Variants in CACNA2D3 observed in about 807,000 individuals in gnomAD.
The protein encoded by CACNA2D3 is voltage-dependent calcium channel subunit alpha-2/delta-3.
Under a neutral mutation model 160.6 loss-of-function variants are expected in CACNA2D3, and 60 were observed. The observed-to-expected ratio is 0.37, with a 90% CI of 0.30 to 0.46. CACNA2D3 has a LOEUF of 0.46. CACNA2D3 is among the 20% of genes least tolerant of loss of function. CACNA2D3 has a pLI of 1.00. For synonymous variants in CACNA2D3, 558 were observed against 492.9 expected (o/e 1.13, Z -1.75); for missense variants, 1,205 against 1,365.0 (o/e 0.88, Z 1.85).
intron 9 of CACNA2D3, among the ~76,000 whole-genome samples, chr3:54,594,123 A>C (rs980805336): frequency 1.3e-5 from 2 of 152,206 alleles, no homozygotes; most frequent in Non-Finnish European, 2.9e-5. Flanking sequence ...TCTCCACTTC[A>C]TTATAGTGTG....
chr3:54,298,288 T>A (rs1466058307), intron 2 of CACNA2D3, among the ~76,000 whole-genome samples: 1 of 152,234 alleles, frequency 6.6e-6, no homozygotes, highest in Non-Finnish European at 1.5e-5. Context: ...GACCTGCTTT[T>A]ACTTTTCTCA....
intron 4 of CACNA2D3, among the ~76,000 whole-genome samples, chr3:54,421,665 A>G (rs1156354269): frequency 1.3e-5 from 2 of 152,140 alleles, no homozygotes; most frequent in Non-Finnish European, 2.9e-5. Context: ...TGGGAGAGGT[A>G]ACTGTTTCCT....
At chr3:54,170,689 G>A (rs1201334571) in intron 2 of CACNA2D3, among the ~76,000 whole-genome samples, 2 of 152,198 alleles carry the variant, frequency 1.3e-5, no homozygotes, top group East Asian at 3.9e-4. Flanking sequence ...GCAGATCAGT[G>A]AGTAAACCCT....
intron 2 of CACNA2D3, among the ~76,000 whole-genome samples, chr3:54,159,655 T>C (rs1700306603): frequency 6.6e-6 from 1 of 152,168 alleles, no homozygotes; most frequent in South Asian, 2.1e-4. Flanking sequence ...CACTGGTAAA[T>C]GTTGATTCTA....
intron 2 of CACNA2D3, among the ~76,000 whole-genome samples, chr3:54,276,445 C>T (rs569470762): frequency 5.3e-5 from 8 of 151,978 alleles, no homozygotes; most frequent in South Asian, 4.2e-4. Context: ...TGGTGGCATA[C>T]GCCTGTAATC....
Position 54,383,200 on chromosome 3 carries a change from C to A in CACNA2D3, c.322-3515C>A, listed in dbSNP as rs781381692. Among the ~76,000 whole-genome samples, 4 of 152,262 alleles carry A rather than the reference C, an allele frequency of 2.6e-5. No individual in the cohort carries two copies. In the East Asian group the frequency reaches 7.7e-4, roughly 29 times the overall value. Reference sequence around the variant, plus strand: ...AATAACATTTCTTTTAATTTGTTTACCTTTATAAGAGTACTTTCAGAGGAA... The same window carrying A: ...AATAACATTTCTTTTAATTTGTTTAACTTTATAAGAGTACTTTCAGAGGAA... On this transcript the variant is annotated intron_variant, in intron 3 of 37. Transcript: ENST00000474759.
chr3:54,739,761 G>A (rs1335295804), intron 11 of CACNA2D3, among the ~76,000 whole-genome samples: 17 of 12,870 alleles, frequency 1.3e-3, no homozygotes, highest in South Asian at 9.9e-3. Flanking sequence ...ATGTGTGTGT[G>A]TGTGTGTGTG....
intron 2 of CACNA2D3, among the ~76,000 whole-genome samples, chr3:54,273,635 C>T (rs1575359255): frequency 1.3e-5 from 2 of 152,164 alleles, no homozygotes; most frequent in South Asian, 2.1e-4. Context: ...TCTCACAACA[C>T]GGACAGCAGG....
At chr3:54,230,306 A>C (rs1701746882) in intron 2 of CACNA2D3, among the ~76,000 whole-genome samples, 1 of 152,158 alleles carries the variant, frequency 6.6e-6, no homozygotes, top group Admixed American at 6.5e-5. Context: ...CTTCTTATTT[A>C]AGCTTCCTAA....
chr3:54,684,135 A>G (rs1220349457), intron 11 of CACNA2D3, among the ~76,000 whole-genome samples: 1 of 151,516 alleles, frequency 6.6e-6, no homozygotes, highest in African/African-American at 2.4e-5. Context: ...TAATTTTTGT[A>G]TTTTTAGTAG....
At chr3:54,773,865 T>A (rs76469622) in intron 13 of CACNA2D3, among the ~76,000 whole-genome samples, 4,348 of 152,298 alleles carry the variant, frequency 0.029, 179 homozygotes, top group African/African-American at 0.097. Context: ...TAAAACTCTA[T>A]ATGGGTGACT....
At chr3:54,476,596 A>G (rs571182870) in intron 4 of CACNA2D3, among the ~76,000 whole-genome samples, 1 of 152,230 alleles carries the variant, frequency 6.6e-6, no homozygotes, top group East Asian at 1.9e-4. Flanking sequence ...GATAATAGCC[A>G]TTCTAACGGG....
At chr3:54,768,798 G>A (rs1019564043) in intron 13 of CACNA2D3, among the ~76,000 whole-genome samples, 1 of 152,104 alleles carries the variant, frequency 6.6e-6, no homozygotes, top group Non-Finnish European at 1.5e-5. Flanking sequence ...CACAAAATCA[G>A]GTTATCCCTA....
intron 4 of CACNA2D3, among the ~76,000 whole-genome samples, chr3:54,488,731 T>C (rs1701059319): frequency 6.6e-6 from 1 of 152,148 alleles, no homozygotes; most frequent in Admixed American, 6.5e-5. Context: ...ATACCGAGAT[T>C]ACAGTGGCAC....
At chr3:54,961,681 A>T (rs983440891) in intron 27 of CACNA2D3, among the ~76,000 whole-genome samples, 1 of 152,146 alleles carries the variant, frequency 6.6e-6, no homozygotes, top group Non-Finnish European at 1.5e-5. Flanking sequence ...CAGGAAGCTG[A>T]TGGCACCAGT....
At chr3:54,654,856 G>C (rs772008502) in intron 11 of CACNA2D3, among the ~76,000 whole-genome samples, 1 of 152,198 alleles carries the variant, frequency 6.6e-6, no homozygotes, top group Non-Finnish European at 1.5e-5. Flanking sequence ...GGATGAAGGC[G>C]TTGGGAATGA....
intron 13 of CACNA2D3, among the ~76,000 whole-genome samples, chr3:54,799,858 G>A (rs1702945330): frequency 6.6e-6 from 1 of 152,126 alleles, no homozygotes; most frequent in African/African-American, 2.4e-5. Flanking sequence ...AGGCTGAAAG[G>A]AAGTATCAGT....
intron 13 of CACNA2D3, among the ~76,000 whole-genome samples, chr3:54,816,092 A>G (rs997682397): frequency 6.6e-6 from 1 of 152,108 alleles, no homozygotes; most frequent in Non-Finnish European, 1.5e-5. Context: ...CGCCTGTGCC[A>G]TTGGGAAAGC....
intron 2 of CACNA2D3, among the ~76,000 whole-genome samples, chr3:54,310,077 G>A (rs979870355): frequency 1.3e-5 from 2 of 151,982 alleles, no homozygotes; most frequent in Non-Finnish European, 2.9e-5. Context: ...CACTAGATCT[G>A]GAAGAGCACA....
Sources: allele counts gnomAD v4.1 joint callset (sites outside exome capture counted in the v4.1 genomes callset), GRCh38; gene constraint gnomAD v4.1.1; transcripts MANE v1.5; gene names NCBI Gene and HGNC (gene_info 2026-07-23, HGNC 2026-07-21).